SLC6A11: variants seen among roughly 807,000 people sequenced by gnomAD.
SLC6A11 encodes the protein sodium- and chloride-dependent GABA transporter 3.
In SLC6A11, 25 loss-of-function variants were observed where a neutral mutation model predicts 74.8. The observed-to-expected ratio is 0.33, with a 90% CI of 0.24 to 0.47. The LOEUF (loss-of-function observed/expected upper bound fraction) is 0.47. Ranked by LOEUF, SLC6A11 falls within the 20% of genes least tolerant of loss-of-function variation. The pLI is 1.00. For missense variants in SLC6A11, 574 were observed against 837.0 expected (o/e 0.69, Z 3.88); for synonymous variants, 330 against 330.2 (o/e 1.00, Z 0.01).
chr3:10,848,545 C>T (rs1694533517), intron 5 of SLC6A11, among the ~76,000 whole-genome samples: 1 of 152,196 alleles, frequency 6.6e-6, no homozygotes, highest in South Asian at 2.1e-4. Context: ...ACCCCAGCTT[C>T]AGTAGGTAGC....
intron 4 of SLC6A11, among the ~76,000 whole-genome samples, chr3:10,830,468 A>G (rs1166261112): frequency 6.6e-6 from 1 of 152,246 alleles, no homozygotes; most frequent in African/African-American, 2.4e-5. Context: ...GGAATGCAAC[A>G]TGAACAAAAC....
intron 4 of SLC6A11, among the ~76,000 whole-genome samples, chr3:10,834,141 G>A (rs1400882655): frequency 6.6e-6 from 1 of 152,190 alleles, no homozygotes; most frequent in Admixed American, 6.5e-5. Context: ...AGAGATTAAG[G>A]GACCTGACCA....
At chr3:10,859,040 A>T (rs549134114) in intron 5 of SLC6A11, among the ~76,000 whole-genome samples, 67 of 152,330 alleles carry the variant, frequency 4.4e-4, no homozygotes, top group Admixed American at 5.9e-4. Flanking sequence ...CCTAGTAAGA[A>T]ATTGAGAGCA....
Position 10,919,340 on chromosome 3 carries a change from A to C in SLC6A11, c.1120+887A>C, listed in dbSNP as rs185419059. On this transcript the variant is annotated intron_variant, in intron 8 of 13. Coordinates refer to ENST00000254488, the MANE Select transcript of SLC6A11 (RefSeq NM_014229.3). Reference sequence around the variant, plus strand: ...TGGAGTCTAACCTCAGATAAGTATAAATAGGTTTTTCACCTACAAGCATGT... The same window carrying C: ...TGGAGTCTAACCTCAGATAAGTATACATAGGTTTTTCACCTACAAGCATGT... Among the ~76,000 whole-genome samples, 542 of 152,320 alleles carry C rather than the reference A, an allele frequency of 3.6e-3. 2 individuals are homozygous for C. Among genetic ancestry groups the C allele is most frequent in the African/African-American group, 0.013 (524 of 41,556 alleles).
chr3:10,913,186 AT>A (rs1297641196), intron 7 of SLC6A11, among the ~76,000 whole-genome samples: 1 of 151,688 alleles, frequency 6.6e-6, no homozygotes, highest in East Asian at 1.9e-4. Context: ...AGAGTTAAAT[AT>A]TTTTTAAAAG....
At position 10,933,860 on chromosome 3, in the gene SLC6A11, A is replaced by G. The variant is rs537986434; in HGVS notation, c.1475-206A>G. On this transcript the variant is annotated intron_variant, in intron 11 of 13. Coordinates refer to ENST00000254488, the MANE Select transcript of SLC6A11 (RefSeq NM_014229.3). Reference sequence around the variant, plus strand: ...GCCTGAGGCCAGGAGAGCTCTCTCCAGTAGTGGGCCAGCATCCCTCCTGCT... The same window carrying G: ...GCCTGAGGCCAGGAGAGCTCTCTCCGGTAGTGGGCCAGCATCCCTCCTGCT... 22 of 478,978 alleles carry G rather than the reference A, an allele frequency of 4.6e-5. No individual in the cohort carries two copies. The Admixed American group carries it at 5.2e-4, about 11-fold the overall frequency. 29.7% of individuals were successfully genotyped at this position (478,978 alleles called of 1,614,324 possible). A position where few individuals can be genotyped will look rare whatever the true frequency, so the allele number is the denominator to read the frequency against.
chr3:10,935,064 A>T lies in SLC6A11; in HGVS notation c.1611A>T (p.Pro537=), dbSNP rs41308279. ...IFIFFLIKYK[P]LKYNNIYTYP... is the part of the protein sequence containing the mutation. ...TCTTCTTCTTGATCAAGTACAAGCC[A>T]CTCAAGTACAACAACATCTACACCT... The change falls in exon 13 of 14, where the codon CCA becomes CCT. Residue 537 remains proline, a synonymous_variant. Transcript: ENST00000254488. 1.1e-4 allele frequency: 182 copies of T among 1,613,278 alleles called. No individual in the cohort carries two copies. The highest frequency in any genetic ancestry group is 1.5e-4 in the Non-Finnish European group (176 of 1,179,764).
chr3:10,936,706 T>C (rs1163213676), intron 13 of SLC6A11, among the ~76,000 whole-genome samples: 2 of 152,188 alleles, frequency 1.3e-5, no homozygotes, highest in African/African-American at 4.8e-5. Context: ...AGGCCAAACA[T>C]GTCCAGAGGG....
chr3:10,897,683 G>C (rs1383778982), intron 6 of SLC6A11, among the ~76,000 whole-genome samples: 2 of 152,196 alleles, frequency 1.3e-5, no homozygotes, highest in African/African-American at 2.4e-5. Context: ...TTCATGGGCT[G>C]GTGTTGAGTG....
chr3:10,935,341 G>A (rs1695747382), intron 13 of SLC6A11, 142 bp downstream of exon 13: 1 of 713,928 alleles, frequency 1.4e-6, no homozygotes, highest in Non-Finnish European at 2.4e-6. Flanking sequence ...TCTGGCCAAT[G>A]TTCAGTATCA....
At chr3:10,840,532 A>G (rs1228051809) in intron 4 of SLC6A11, among the ~76,000 whole-genome samples, 2 of 152,214 alleles carry the variant, frequency 1.3e-5, no homozygotes, top group African/African-American at 4.8e-5. Context: ...TGGCACACTG[A>G]TGACGCTTTC....
intron 6 of SLC6A11, 46 bp downstream of exon 6, chr3:10,875,141 G>C (rs1433588104): frequency 6.6e-7 from 1 of 1,521,170 alleles, no homozygotes; most frequent in East Asian, 2.4e-5. Flanking sequence ...CCACCACTGG[G>C]AAGCCTTCTG....
At chr3:10,892,653 A>C (rs1160846577) in intron 6 of SLC6A11, among the ~76,000 whole-genome samples, 1 of 151,434 alleles carries the variant, frequency 6.6e-6, no homozygotes, top group Non-Finnish European at 1.5e-5. Flanking sequence ...TGCTGACAGG[A>C]AGTTCCTATT....
chr3:10,912,250 C>T, intron 7 of SLC6A11, 57 bp downstream of exon 7: 1 of 1,170,284 alleles, frequency 8.5e-7, no homozygotes, highest in Non-Finnish European at 1.3e-6. Context: ...GCCCTCTAAC[C>T]TGCCAGGCTA....
chr3:10,854,657 G>C (rs765958773), intron 5 of SLC6A11, among the ~76,000 whole-genome samples: 1 of 152,096 alleles, frequency 6.6e-6, no homozygotes, highest in Non-Finnish European at 1.5e-5. Flanking sequence ...GAAGCCATTC[G>C]AGGTCTCAGA....
chr3:10,882,406 T>G (rs1047631758), intron 6 of SLC6A11, among the ~76,000 whole-genome samples: 1 of 152,118 alleles, frequency 6.6e-6, no homozygotes, highest in African/African-American at 2.4e-5. Context: ...TCCTGGTGCA[T>G]CTCATCTGTC....
intron 6 of SLC6A11, among the ~76,000 whole-genome samples, chr3:10,893,245 T>A (rs1263283411): frequency 1.3e-5 from 2 of 152,104 alleles, no homozygotes; most frequent in Non-Finnish European, 2.9e-5. Context: ...AGACAGAATA[T>A]AAAATTAATC....
intron 8 of SLC6A11, among the ~76,000 whole-genome samples, chr3:10,923,941 A>C (rs73812354): frequency 1.6e-4 from 25 of 152,292 alleles, no homozygotes; most frequent in Non-Finnish European, 3.1e-4. Context: ...CAACCTCACC[A>C]TAAGTCATGA....
chr3:10,818,023 A>G (rs1694086127), intron 1 of SLC6A11, among the ~76,000 whole-genome samples: 1 of 152,086 alleles, frequency 6.6e-6, no homozygotes, highest in African/African-American at 2.4e-5. Flanking sequence ...CATTCATAAA[A>G]GCAGAAAACA....
Sources: allele counts gnomAD v4.1 joint callset (sites outside exome capture counted in the v4.1 genomes callset), GRCh38; gene constraint gnomAD v4.1.1; transcripts MANE v1.5; gene names NCBI Gene and HGNC (gene_info 2026-07-23, HGNC 2026-07-21).